TEX15: variants seen among roughly 807,000 people sequenced by gnomAD.
The protein encoded by TEX15 is testis expressed 15, meiosis and synapsis associated, also known as testis-expressed protein 15.
A neutral mutation model predicts 237.3 loss-of-function variants in TEX15; 171 were observed. That is an observed-to-expected ratio of 0.72 (90% CI 0.64 to 0.82). The LOEUF (loss-of-function observed/expected upper bound fraction) is 0.82, where lower values mean the gene tolerates loss of function less well. Ranked by LOEUF, TEX15 falls within the 40% of genes least tolerant of loss-of-function variation. The pLI is 0.00. For synonymous variants in TEX15, 1,338 were observed against 1,269.8 expected (o/e 1.05, Z -1.14); for missense variants, 3,750 against 3,646.5 (o/e 1.03, Z -0.73).
rs375796921 is a variant in TEX15 at position 30,844,913 on chromosome 8, T to C, written c.5254A>G (p.Ser1752Gly). The change falls in exon 8 of 11, where the codon AGT becomes GGT. Residue 1752 changes from serine (S) to glycine (G), a missense_variant. Ser to Gly is a moderately conservative substitution (Grantham distance 56). Coordinates refer to ENST00000643185, the MANE Select transcript of TEX15 (RefSeq NM_001350162.2). ...CTCTGCTCACAGTGTGGTACAGTAC[T>C]GGATGCTGCAAAAGAATCTACAGTA... ...ILTVDSFAAS[S>G]TVPHCEQSCR... The C allele has an allele frequency of 2.9e-5, 46 of 1,613,380 alleles. No individual in the cohort carries two copies. The highest frequency in any genetic ancestry group is 3.8e-5 in the Non-Finnish European group (45 of 1,179,568).
At chr8:30,849,630 C>T (rs1043152780) in intron 7 of TEX15, among the ~76,000 whole-genome samples, 1 of 151,940 alleles carries the variant, frequency 6.6e-6, no homozygotes, top group Non-Finnish European at 1.5e-5. Flanking sequence ...GGGCTGGGCA[C>T]GGTGGCTCAC....
At position 30,833,256 on chromosome 8, in the gene TEX15, T is replaced by G; in HGVS notation, c.*30A>C. On this transcript the variant is annotated 3_prime_UTR_variant, in exon 11 of 11. Coordinates refer to ENST00000643185, the MANE Select transcript of TEX15 (RefSeq NM_001350162.2). ...AAAAAATATTTGGAAAAACTTGTTA[T>G]GTCTTATTTCAATAGACAGAAGACT... is the stretch of plus-strand genomic sequence containing the variant. 6.6e-7 allele frequency: 1 copy of G among 1,504,144 alleles called. No homozygotes were observed. Among genetic ancestry groups the G allele is most frequent in the Non-Finnish European group, 9.0e-7 (1 of 1,107,892 alleles). 93.2% of individuals were successfully genotyped at this position (1,504,144 alleles called of 1,614,324 possible).
chr8:30,858,883 T>A, intron 6 of TEX15, 53 bp from the exon 7 acceptor site: 1 of 1,283,406 alleles, frequency 7.8e-7, no homozygotes. Context: ...CAGAGTTGAA[T>A]AAGCTCATAT....
Position 30,861,022 on chromosome 8 carries a change from C to A in TEX15, c.541-965G>T, listed in dbSNP as rs543914321. Among the ~76,000 whole-genome samples, 3 of 150,278 alleles carry A rather than the reference C, an allele frequency of 2.0e-5. No homozygotes were observed. In the South Asian group the frequency reaches 6.3e-4, roughly 32 times the overall value. On this transcript the variant is annotated intron_variant, in intron 5 of 10. Transcript: ENST00000643185. ...ACATTTTTAAAAAGGATGGTACTAC[C>A]ACAAGAAAAAGCAGAGAAAAGACCA...
intron 1 of TEX15, among the ~76,000 whole-genome samples, chr8:30,912,525 C>G (rs918417209): frequency 6.6e-6 from 1 of 152,148 alleles, no homozygotes. Context: ...GCGAGTTTCT[C>G]CTCAGCTGCA....
At chr8:30,871,744 A>G (rs981388553) in intron 4 of TEX15, among the ~76,000 whole-genome samples, 1 of 152,158 alleles carries the variant, frequency 6.6e-6, no homozygotes, top group Non-Finnish European at 1.5e-5. Flanking sequence ...GGAACAACCC[A>G]AAGTCTCACT....
In TEX15 at chr8:30,887,402, G is replaced by A. The variant is rs564216266; in HGVS notation, c.-9-91C>T. 13 of 1,136,652 alleles carry A rather than the reference G, an allele frequency of 1.1e-5. No homozygotes were observed. In the East Asian group the frequency reaches 3.3e-4, roughly 29 times the overall value. The allele number at this position is 1,136,652 out of a possible 1,614,324, so 70.4% of individuals were successfully genotyped here. On this transcript the variant is annotated intron_variant, in intron 2 of 10. Transcript: ENST00000643185. ...ATCATTTAAAAGTTCTTCAACAAAA[G>A]TAAATGGTAAAATGTTCTTAGTCAA...
Position 30,837,300 on chromosome 8 carries a change from G to A in TEX15, c.8984C>T (p.Ser2995Phe), listed in dbSNP as rs1807326588. 1 of 1,614,036 alleles carries A rather than the reference G, an allele frequency of 6.2e-7. No homozygotes were observed. Among genetic ancestry groups the A allele is most frequent in the Non-Finnish European group, 8.5e-7 (1 of 1,180,040 alleles). Residue 2995 changes from serine to phenylalanine, a missense_variant, in exon 10 of 11, where the codon TCT (serine) becomes TTT (phenylalanine). Coordinates refer to ENST00000643185, the MANE Select transcript of TEX15 (RefSeq NM_001350162.2). ...TLNVNQGAEY[S>F]LSEQQNDKNS... ...TTTGTCATTCTGTTGTTCAGAAAGA[G>A]AGTACTCTGCTCCTTGATTCACATT...
intron 1 of TEX15, among the ~76,000 whole-genome samples, chr8:30,903,820 T>C (rs1016437157): frequency 6.6e-6 from 1 of 152,188 alleles, no homozygotes; most frequent in African/African-American, 2.4e-5. Flanking sequence ...GAGAGATAAT[T>C]ACCTTGCCAA....
intron 4 of TEX15, among the ~76,000 whole-genome samples, chr8:30,872,161 T>C (rs1250890969): frequency 6.6e-6 from 1 of 152,116 alleles, no homozygotes; most frequent in African/African-American, 2.4e-5. Context: ...CTTCATATAG[T>C]GGATTTCAAC....
intron 1 of TEX15, among the ~76,000 whole-genome samples, chr8:30,911,881 C>G (rs1365448110): frequency 1.3e-5 from 2 of 152,162 alleles, no homozygotes; most frequent in East Asian, 3.9e-4. Context: ...GCGGCTCACA[C>G]GAAACTGAGG....
At chr8:30,834,497 C>T (rs182870478) in intron 10 of TEX15, among the ~76,000 whole-genome samples, 10 of 152,182 alleles carry the variant, frequency 6.6e-5, no homozygotes, top group Non-Finnish European at 1.3e-4. Context: ...TATCGTTTTC[C>T]TTATGTTCTT....
chr8:30,842,604 ATCTT>A lies in TEX15; in HGVS notation c.7559_7562del (p.Lys2520IlefsTer31). On this transcript the variant is annotated frameshift_variant, in exon 8 of 11. Coordinates refer to ENST00000643185, the MANE Select transcript of TEX15 (RefSeq NM_001350162.2). LOFTEE classifies it high-confidence loss of function. ...CATTATATTTGCAGATAATATCCAG[ATCTT>A]TCTTAAGTTCGGAAACAGCAGTCTC... is the stretch of plus-strand genomic sequence containing the variant. 1 of 1,611,294 alleles carries A rather than the reference ATCTT, an allele frequency of 6.2e-7. No homozygotes were observed. Among genetic ancestry groups the A allele is most frequent in the South Asian group, 1.1e-5 (1 of 90,988 alleles).
rs1468514648 is a variant in TEX15 at position 30,844,425 on chromosome 8, T to A, written c.5742A>T (p.Thr1914=). The change falls in exon 8 of 11, where the codon ACA becomes ACT. Residue 1914 remains threonine, a synonymous_variant. Coordinates refer to ENST00000643185, the MANE Select transcript of TEX15 (RefSeq NM_001350162.2). Reference sequence around the variant, plus strand: ...CTCTTTTGTTAAGCGGATTAGAAACTGTGTTCTTCAAAGGGACTGACTCAG... The same window carrying A: ...CTCTTTTGTTAAGCGGATTAGAAACAGTGTTCTTCAAAGGGACTGACTCAG... ...TTTESVPLKN[T]VSNPLNKREK... is the part of the protein sequence containing the mutation. The A allele has an allele frequency of 4.3e-6, 7 of 1,612,064 alleles. No individual in the cohort carries two copies. The highest frequency in any genetic ancestry group is 1.3e-5 in the African/African-American group (1 of 74,806).
chr8:30,864,611 C>A (rs966836615), intron 5 of TEX15, among the ~76,000 whole-genome samples: 1 of 136,420 alleles, frequency 7.3e-6, no homozygotes. Flanking sequence ...GATAATTTCC[C>A]AGACCAGAAA....
In TEX15 at chr8:30,895,042, C is replaced by G. The variant is rs532768709; in HGVS notation, c.-10+3700G>C. 7.2e-5 allele frequency among the ~76,000 whole-genome samples: 11 copies of G among 152,084 alleles called. No individual in the cohort carries two copies. The South Asian group carries it at 1.7e-3, about 23-fold the overall frequency. On this transcript the variant is annotated intron_variant, in intron 2 of 10. Transcript: ENST00000643185. ...GAAATTTCTGTTGTCTATAAGTTACCCAGTTTATGGTATTTTGTTACAGCA... is the reference window on the plus strand; with the variant it reads ...GAAATTTCTGTTGTCTATAAGTTACGCAGTTTATGGTATTTTGTTACAGCA...
chr8:30,872,488 T>A (rs1479533847), intron 4 of TEX15, among the ~76,000 whole-genome samples: 2 of 152,198 alleles, frequency 1.3e-5, no homozygotes, highest in African/African-American at 4.8e-5. Context: ...ACTATACTTT[T>A]TATTTTAGAG....
At chr8:30,867,243 A>T in intron 5 of TEX15, 22 bp downstream of exon 5, 1 of 1,172,658 alleles carries the variant, frequency 8.5e-7, no homozygotes, top group Non-Finnish European at 1.2e-6. Flanking sequence ...CATATACTTA[A>T]TATTTGTTTT....
chr8:30,842,664 G>A lies in TEX15; in HGVS notation c.7503C>T (p.Asn2501=). The A allele has an allele frequency of 6.2e-7, 1 of 1,612,488 alleles. No homozygotes were observed. Among genetic ancestry groups the A allele is most frequent in the South Asian group, 1.1e-5 (1 of 91,066 alleles). The change falls in exon 8 of 11, where the codon AAC becomes AAT. Residue 2501 remains asparagine, a synonymous_variant. Coordinates refer to ENST00000643185, the MANE Select transcript of TEX15 (RefSeq NM_001350162.2). ...KMASFSFLKD[N]STDVCLWKVI... is the part of the protein sequence containing the mutation. ...CTTTCCAAAGGCAAACATCTGTTGA[G>A]TTATCTTTAAGAAATGAAAAAGAAG...
Sources: gnomAD v4.1 joint callset for allele counts (sites outside exome capture counted in the v4.1 genomes callset) on GRCh38, gnomAD v4.1.1 for gene constraint, MANE v1.5 for transcripts, NCBI Gene and HGNC (gene_info 2026-07-23, HGNC 2026-07-21) for gene names.